Variants in MAP3K7 observed in about 807,000 individuals in gnomAD.
MAP3K7 encodes TGF-beta activated kinase 1.
MAP3K7 carries 21 observed loss-of-function variants against 84.8 expected under a neutral mutation model. The ratio of observed to expected loss-of-function variants is 0.25; its 90% CI spans 0.18 to 0.36. The LOEUF (loss-of-function observed/expected upper bound fraction) is 0.36, where lower values mean the gene tolerates loss of function less well. MAP3K7 is among the 10% of genes least tolerant of loss of function. The probability of loss-of-function intolerance (pLI) is 1.00; values close to 1 mark genes in which losing one functional copy is unlikely to be tolerated. For synonymous variants in MAP3K7, 241 were observed against 247.7 expected (o/e 0.97, Z 0.25); for missense variants, 503 against 747.7 (o/e 0.67, Z 3.82).
intron 6 of MAP3K7, among the ~76,000 whole-genome samples, chr6:90,556,250 G>A (rs1776335950): frequency 6.6e-6 from 1 of 152,154 alleles, no homozygotes. Flanking sequence ...TTAGCAAATA[G>A]GCAATTTTGC....
intron 13 of MAP3K7, among the ~76,000 whole-genome samples, chr6:90,535,420 TA>T (rs1342019759): frequency 5.9e-5 from 9 of 151,940 alleles, no homozygotes; most frequent in African/African-American, 2.2e-4. Flanking sequence ...ATAATTTCAT[TA>T]CTTAATACTT....
At chr6:90,573,658 A>T (rs1776978203) in intron 1 of MAP3K7, among the ~76,000 whole-genome samples, 1 of 152,240 alleles carries the variant, frequency 6.6e-6, no homozygotes, top group African/African-American at 2.4e-5. Flanking sequence ...AGGCAAATGG[A>T]GTCACATGGT....
At chr6:90,558,537 T>G (rs957419328) in intron 5 of MAP3K7, among the ~76,000 whole-genome samples, 1 of 152,128 alleles carries the variant, frequency 6.6e-6, no homozygotes, top group Non-Finnish European at 1.5e-5. Context: ...TGGAGAGGCC[T>G]GGAATAAATG....
At chr6:90,559,325 A>G (rs2127978099) in intron 5 of MAP3K7, among the ~76,000 whole-genome samples, 1 of 152,170 alleles carries the variant, frequency 6.6e-6, no homozygotes, top group Non-Finnish European at 1.5e-5. Context: ...ACTGAAGACT[A>G]TACTGATTTC....
chr6:90,522,486 T>C (rs185704510), intron 14 of MAP3K7, among the ~76,000 whole-genome samples: 2 of 152,232 alleles, frequency 1.3e-5, no homozygotes, highest in East Asian at 3.9e-4. Context: ...ATCACCTGAA[T>C]GTTAATGATA....
At chr6:90,572,089 A>G (rs1315084726) in intron 1 of MAP3K7, among the ~76,000 whole-genome samples, 1 of 152,054 alleles carries the variant, frequency 6.6e-6, no homozygotes, top group Admixed American at 6.6e-5. Context: ...TGGAGGAACA[A>G]AGTAAAGTGA....
intron 13 of MAP3K7, among the ~76,000 whole-genome samples, chr6:90,525,507 T>A (rs1775293581): frequency 6.6e-6 from 1 of 151,710 alleles, no homozygotes; most frequent in Admixed American, 6.6e-5. Flanking sequence ...AAAATTTATA[T>A]GCTGTACATA....
Position 90,561,684 on chromosome 6 carries a change from T to A in MAP3K7, c.298-17A>T, listed in dbSNP as rs748120278. 32 of 1,598,874 alleles carry A rather than the reference T, an allele frequency of 2.0e-5. No homozygotes were observed. The highest frequency in any genetic ancestry group is 1.7e-5 in the Admixed American group (1 of 59,760). ...AAGACACACCTAAAGGAAACATATA[T>A]CAGAAGCATTAACCAAGAAGCTCCA... On this transcript the variant is annotated splice_polypyrimidine_tract_variant and intron_variant, in intron 3 of 16. Transcript: ENST00000369329.
chr6:90,570,776 TGTGA>T (rs1776875533), intron 2 of MAP3K7, among the ~76,000 whole-genome samples: 4 of 152,220 alleles, frequency 2.6e-5, no homozygotes, highest in South Asian at 2.1e-4. Context: ...CACCCAGCTT[TGTGA>T]AACTGCTAAT....
At chr6:90,584,894 C>A (rs1777392078) in intron 1 of MAP3K7, among the ~76,000 whole-genome samples, 1 of 152,094 alleles carries the variant, frequency 6.6e-6, no homozygotes, top group South Asian at 2.1e-4. Context: ...ATGAAAGCTG[C>A]ATCAACTATC....
At chr6:90,532,394 C>T (rs1392378453) in intron 13 of MAP3K7, among the ~76,000 whole-genome samples, 1 of 152,144 alleles carries the variant, frequency 6.6e-6, no homozygotes, top group Non-Finnish European at 1.5e-5. Context: ...TGTGCCCTGG[C>T]ACTTTCACAT....
At chr6:90,562,514 C>A (rs111647340) in intron 3 of MAP3K7, among the ~76,000 whole-genome samples, 1 of 152,312 alleles carries the variant, frequency 6.6e-6, no homozygotes, top group Non-Finnish European at 1.5e-5. Context: ...AAGGCGGCAG[C>A]GACGCTGGGA....
In MAP3K7 at chr6:90,553,429, A is replaced by G. The variant is rs1448282841; in HGVS notation, c.736+29T>C. ...CTTCCAAGTAGAAAACACAAAAAGTACTTTTAAGAAAAATTTCTTTTTACG... is the reference window on the plus strand; with the variant it reads ...CTTCCAAGTAGAAAACACAAAAAGTGCTTTTAAGAAAAATTTCTTTTTACG... On this transcript the variant is annotated intron_variant, in intron 7 of 16. Coordinates refer to ENST00000369329, the MANE Select transcript of MAP3K7 (RefSeq NM_145331.3). 11 of 1,600,442 alleles carry G rather than the reference A, an allele frequency of 6.9e-6. 1 individual carries two copies. In the South Asian group the frequency reaches 1.1e-4, roughly 16 times the overall value.
intron 14 of MAP3K7, among the ~76,000 whole-genome samples, chr6:90,522,476 A>C (rs922789160): frequency 6.6e-6 from 1 of 152,128 alleles, no homozygotes; most frequent in African/African-American, 2.4e-5. Context: ...AAGAGCTGCT[A>C]TCACCTGAAT....
chr6:90,561,590 C>T (rs748003821), intron 4 of MAP3K7, 32 bp downstream of exon 4: 1 of 1,516,996 alleles, frequency 6.6e-7, no homozygotes, highest in South Asian at 1.2e-5. Context: ...TATTTTAATC[C>T]ACTAGATAAA....
chr6:90,534,533 C>T (rs1294587163), intron 13 of MAP3K7, among the ~76,000 whole-genome samples: 1 of 152,154 alleles, frequency 6.6e-6, no homozygotes, highest in Admixed American at 6.5e-5. Flanking sequence ...CCAAATCTTT[C>T]AGAGTGGTCT....
chr6:90,573,731 A>G (rs1433925722), intron 1 of MAP3K7, among the ~76,000 whole-genome samples: 1 of 152,382 alleles, frequency 6.6e-6, no homozygotes, highest in South Asian at 2.1e-4. Flanking sequence ...TGAAGCCTAG[A>G]GCACCTAATG....
At chr6:90,553,306 G>T in intron 7 of MAP3K7, 152 bp downstream of exon 7, 1 of 737,214 alleles carries the variant, frequency 1.4e-6, no homozygotes, top group Non-Finnish European at 2.2e-6. Flanking sequence ...CAGGGACAGG[G>T]CAGAGTCTGA....
intron 3 of MAP3K7, among the ~76,000 whole-genome samples, chr6:90,564,513 G>C (rs1037398460): frequency 6.6e-6 from 1 of 152,098 alleles, no homozygotes; most frequent in Non-Finnish European, 1.5e-5. Flanking sequence ...TCAACAAGAA[G>C]AGCTAACTAT....
Sources: allele counts gnomAD v4.1 joint callset (sites outside exome capture counted in the v4.1 genomes callset), GRCh38; gene constraint gnomAD v4.1.1; transcripts MANE v1.5; gene names NCBI Gene and HGNC (gene_info 2026-07-23, HGNC 2026-07-21).